Variants in TAF4B observed in about 807,000 individuals in gnomAD.
TAF4B encodes the protein transcription initiation factor TFIID subunit 4B.
A neutral mutation model predicts 86.4 loss-of-function variants in TAF4B; 38 were observed. The observed-to-expected ratio is 0.44, with a 90% CI of 0.34 to 0.58. TAF4B has a LOEUF of 0.58. TAF4B is among the 20% of genes least tolerant of loss of function. TAF4B has a pLI of 0.02. For synonymous variants in TAF4B, 388 were observed against 391.2 expected (o/e 0.99, Z 0.10); for missense variants, 988 against 1,027.6 (o/e 0.96, Z 0.53).
chr18:26,302,135 G>C (rs1239884389), intron 9 of TAF4B, among the ~76,000 whole-genome samples: 1 of 152,090 alleles, frequency 6.6e-6, no homozygotes, highest in Non-Finnish European at 1.5e-5. Context: ...AGAAACAGAA[G>C]TCCTTTTTAA....
chr18:26,256,599 T>G (rs78124033), intron 1 of TAF4B, among the ~76,000 whole-genome samples: 1,547 of 152,232 alleles, frequency 0.01, 25 homozygotes, highest in African/African-American at 0.036. Context: ...GGTAAAAGGT[T>G]GTTAGTGATT....
intron 9 of TAF4B, among the ~76,000 whole-genome samples, chr18:26,297,343 A>G (rs2056676478): frequency 6.6e-6 from 1 of 152,198 alleles, no homozygotes; most frequent in Non-Finnish European, 1.5e-5. Context: ...GAAGCTGGTC[A>G]GCTCTGATTG....
chr18:26,251,977 G>A (rs917404524), intron 1 of TAF4B, among the ~76,000 whole-genome samples: 1 of 152,152 alleles, frequency 6.6e-6, no homozygotes, highest in African/African-American at 2.4e-5. Context: ...TTTGAATTGT[G>A]GACCTCTTGG....
intron 1 of TAF4B, among the ~76,000 whole-genome samples, chr18:26,232,277 C>T (rs528383034): frequency 1.2e-4 from 18 of 152,172 alleles, no homozygotes; most frequent in Admixed American, 8.5e-4. Context: ...GGGTGATGAC[C>T]GCTCTAGTTA....
chr18:26,383,233 T>G (rs1978300951), intron 14 of TAF4B, among the ~76,000 whole-genome samples: 1 of 152,142 alleles, frequency 6.6e-6, no homozygotes, highest in Non-Finnish European at 1.5e-5. Flanking sequence ...AGAAAACAAT[T>G]TTGTCAGATT....
At chr18:26,295,236 CT>C (rs1241937187) in intron 9 of TAF4B, 27 of 403,672 alleles carry the variant, frequency 6.7e-5, no homozygotes, top group South Asian at 1.3e-4. Flanking sequence ...CACCATCGGT[CT>C]TTTTTTCTGT....
intron 10 of TAF4B, among the ~76,000 whole-genome samples, chr18:26,318,723 T>C (rs1478163234): frequency 1.3e-5 from 2 of 152,244 alleles, no homozygotes; most frequent in Admixed American, 1.3e-4. Context: ...TATTTTACTT[T>C]GTAATTTTTA....
At chr18:26,360,039 A>C (rs2057318342) in intron 14 of TAF4B, among the ~76,000 whole-genome samples, 1 of 152,132 alleles carries the variant, frequency 6.6e-6, no homozygotes, top group Non-Finnish European at 1.5e-5. Context: ...TATATGCTTA[A>C]TCTTGTTTCA....
At chr18:26,311,775 T>G (rs1484952367) in intron 9 of TAF4B, among the ~76,000 whole-genome samples, 1 of 152,174 alleles carries the variant, frequency 6.6e-6, no homozygotes, top group Non-Finnish European at 1.5e-5. Flanking sequence ...AGACCTTGGA[T>G]GTCAAGTTGA....
intron 1 of TAF4B, chr18:26,255,698 C>A: frequency 6.4e-7 from 1 of 1,564,164 alleles, no homozygotes; most frequent in South Asian, 1.2e-5. Context: ...ACCTCAGTCA[C>A]CACTCCTGAG....
chr18:26,238,980 A>G (rs1285399701), intron 1 of TAF4B, among the ~76,000 whole-genome samples: 1 of 152,190 alleles, frequency 6.6e-6, no homozygotes, highest in Non-Finnish European at 1.5e-5. Flanking sequence ...TTCTTAATCC[A>G]GTCTATCATT....
intron 14 of TAF4B, among the ~76,000 whole-genome samples, chr18:26,387,247 T>G (rs1978426527): frequency 6.6e-6 from 1 of 152,102 alleles, no homozygotes. Flanking sequence ...TATTTATTTT[T>G]TGTTAGAGGT....
At chr18:26,289,630 A>G (rs1288382098) in intron 7 of TAF4B, among the ~76,000 whole-genome samples, 1 of 152,100 alleles carries the variant, frequency 6.6e-6, no homozygotes, top group Non-Finnish European at 1.5e-5. Flanking sequence ...GTGACTGCAG[A>G]TGCAGACCAT....
intron 13 of TAF4B, among the ~76,000 whole-genome samples, chr18:26,345,090 C>G (rs1439417417): frequency 6.6e-6 from 1 of 152,194 alleles, no homozygotes; most frequent in Non-Finnish European, 1.5e-5. Flanking sequence ...CTGCATTGCC[C>G]TGGATTAGGA....
At chr18:26,242,713 T>C (rs1351752573) in intron 1 of TAF4B, among the ~76,000 whole-genome samples, 1 of 152,248 alleles carries the variant, frequency 6.6e-6, no homozygotes, top group African/African-American at 2.4e-5. Flanking sequence ...GTTTTTGCAG[T>C]GGCTGATACT....
chr18:26,316,064 T>G (rs1421020555), intron 10 of TAF4B, among the ~76,000 whole-genome samples: 1 of 151,738 alleles, frequency 6.6e-6, no homozygotes, highest in Non-Finnish European at 1.5e-5. Context: ...ATTAGCCAGG[T>G]GTGGTGGGGG....
At position 26,389,604 on chromosome 18, in the gene TAF4B, C is replaced by G. The variant is rs565691646; in HGVS notation, c.2422-241C>G. The stretch of plus-strand genomic sequence containing the variant: ...AAGTAGAGCCTGGAAATGGAGAAAC[C>G]AGTTCAGAGGCTATTGCCATGCTGC... On this transcript the variant is annotated intron_variant, in intron 14 of 14. Transcript: ENST00000269142. Among the ~76,000 whole-genome samples, 13 of 152,250 alleles carry G rather than the reference C, an allele frequency of 8.5e-5. No individual in the cohort carries two copies. In the East Asian group the frequency reaches 2.3e-3, roughly 27 times the overall value.
chr18:26,316,855 TGTATTATACAGAAACCA>T (rs2056917088), intron 10 of TAF4B, among the ~76,000 whole-genome samples: 3 of 152,218 alleles, frequency 2.0e-5, no homozygotes, highest in Admixed American at 2.0e-4. Context: ...ATATGTATTT[TGTATTATACAGAAACCA>T]GTTCCTTAAT....
At chr18:26,348,315 G>A (rs1418140620) in intron 13 of TAF4B, 1 of 152,314 alleles carries the variant, frequency 6.6e-6, no homozygotes, top group Admixed American at 6.5e-5. Context: ...CAACCAATGG[G>A]TGAAGGGAAA....
Sources: allele counts gnomAD v4.1 joint callset (sites outside exome capture counted in the v4.1 genomes callset), GRCh38; gene constraint gnomAD v4.1.1; transcripts MANE v1.5; gene names NCBI Gene and HGNC (gene_info 2026-07-23, HGNC 2026-07-21).